The following TCERG1L variants were observed in gnomAD, a reference collection of about 807,000 sequenced individuals.
TCERG1L encodes transcription elongation regulator 1 like.
TCERG1L carries 37 observed loss-of-function variants against 56.3 expected under a neutral mutation model. The observed-to-expected ratio is 0.66, with a 90% CI of 0.51 to 0.87. TCERG1L has a LOEUF of 0.87. TCERG1L is among the 40% of genes least tolerant of loss of function. The pLI is 0.00. For missense variants in TCERG1L, 799 were observed against 774.2 expected, an observed-to-expected ratio of 1.03 and a Z score of -0.38; for synonymous variants, 324 against 326.3, an observed-to-expected ratio of 0.99 and a Z score of 0.08.
intron 9 of TCERG1L, 120 bp from the exon 10 acceptor site, chr10:131,104,474 A>T: frequency 1.5e-6 from 1 of 656,510 alleles, no homozygotes; most frequent in Non-Finnish European, 2.7e-6. Flanking sequence ...AGTACAATAG[A>T]TTCCGTGATG....
At chr10:131,148,541 GAC>G (rs753105433) in intron 6 of TCERG1L, among the ~76,000 whole-genome samples, 40 of 150,578 alleles carry the variant, frequency 2.7e-4, no homozygotes, top group Non-Finnish European at 4.1e-4. Context: ...CATGCACAGA[GAC>G]ACACACATGC....
Position 131,208,832 on chromosome 10 carries a change from C to T in TCERG1L, c.857-41947G>A, listed in dbSNP as rs930849496. Among the ~76,000 whole-genome samples, 7 of 152,036 alleles carry T rather than the reference C, an allele frequency of 4.6e-5. No individual in the cohort carries two copies. In the East Asian group the frequency reaches 5.8e-4, roughly 13 times the overall value. On this transcript the variant is annotated intron_variant, in intron 4 of 11. Coordinates refer to ENST00000368642, the MANE Select transcript of TCERG1L (RefSeq NM_174937.4). Reference sequence around the variant, plus strand: ...CAGCACTTTGGGAGACCGAGGCGGACGGATCACGAGGTCAGGAGATCGAGA... The same window carrying T: ...CAGCACTTTGGGAGACCGAGGCGGATGGATCACGAGGTCAGGAGATCGAGA...
rs540170458 is a variant in TCERG1L at position 131,230,133 on chromosome 10, G to A, written c.856+30126C>T. On this transcript the variant is annotated intron_variant, in intron 4 of 11. Transcript: ENST00000368642. ...TGCAGCCTCCCAGAGTGCCCAGCCC[G>A]GCTCCAGCAGGTGTCAGACCACCAA... 7.9e-5 allele frequency among the ~76,000 whole-genome samples: 12 copies of A among 152,232 alleles called. No homozygotes were observed. The East Asian group carries it at 9.7e-4, about 12-fold the overall frequency.
At chr10:131,147,768 C>T (rs564585462) in intron 6 of TCERG1L, among the ~76,000 whole-genome samples, 46 of 152,366 alleles carry the variant, frequency 3.0e-4, no homozygotes, top group African/African-American at 9.9e-4. Context: ...GGGAGGCCCC[C>T]GACCTGTTGG....
In TCERG1L at chr10:131,137,409, G is replaced by A. The variant is rs140088797; in HGVS notation, c.1190-2961C>T. ...TCTGGCCGTCTCATTCGGAGGCACC[G>A]GGGCCTCACAGAGGCTCTCTCAACT... On this transcript the variant is annotated intron_variant, in intron 7 of 11. Transcript: ENST00000368642. Among the ~76,000 whole-genome samples, 13 of 152,324 alleles carry A rather than the reference G, an allele frequency of 8.5e-5. No individual in the cohort carries two copies. The East Asian group carries it at 2.1e-3, about 25-fold the overall frequency.
At chr10:131,307,147 GATC>G (rs1267895935) in intron 3 of TCERG1L, among the ~76,000 whole-genome samples, 1 of 152,144 alleles carries the variant, frequency 6.6e-6, no homozygotes, top group Non-Finnish European at 1.5e-5. Flanking sequence ...TAGGAAACAT[GATC>G]ATCTTAGTGT....
intron 3 of TCERG1L, among the ~76,000 whole-genome samples, chr10:131,288,573 C>T (rs565720410): frequency 2.0e-4 from 30 of 152,322 alleles, no homozygotes; most frequent in African/African-American, 6.7e-4. Context: ...AATGGAAGTC[C>T]CGTCCAGACA....
In TCERG1L at chr10:131,260,235, G is replaced by T. The variant is rs759085274; in HGVS notation, c.856+24C>A. 6 of 1,345,414 alleles carry T rather than the reference G, an allele frequency of 4.5e-6. No homozygotes were observed. In the South Asian group the frequency reaches 1.2e-4, roughly 28 times the overall value. The allele number at this position is 1,345,414 out of a possible 1,614,324, so 83.3% of individuals were successfully genotyped here. A position where few individuals can be genotyped will look rare whatever the true frequency, so the allele number is the denominator to read the frequency against. On this transcript the variant is annotated intron_variant, in intron 4 of 11. Transcript: ENST00000368642. The surrounding 1 kb of genome is among the most constrained non-coding windows in gnomAD (Gnocchi z 5.8). ...CGCGCTCGCTAAGGCAGCACCAGGC[G>T]TCGGGACGGCGCTCCGAGCCTACCT...
chr10:131,264,424 GA>G (rs1846265546), intron 3 of TCERG1L, among the ~76,000 whole-genome samples: 1 of 152,236 alleles, frequency 6.6e-6, no homozygotes, highest in Admixed American at 6.5e-5. Context: ...AACAGATACA[GA>G]GAAGCCATAC....
At chr10:131,280,066 C>G (rs552462462) in intron 3 of TCERG1L, among the ~76,000 whole-genome samples, 9 of 152,222 alleles carry the variant, frequency 5.9e-5, no homozygotes, top group Non-Finnish European at 1.3e-4. Flanking sequence ...GGCTGCGACA[C>G]AGCCTCAGGA....
At chr10:131,142,164 G>A (rs377200115) in intron 7 of TCERG1L, among the ~76,000 whole-genome samples, 68 of 152,378 alleles carry the variant, frequency 4.5e-4, no homozygotes, top group African/African-American at 1.5e-3. Context: ...GGCCAGCAGA[G>A]GGTGCCATGA....
In TCERG1L at chr10:131,225,270, A is replaced by C. The variant is rs185009713; in HGVS notation, c.856+34989T>G. Among the ~76,000 whole-genome samples the C allele has an allele frequency of 5.9e-5, 9 of 152,306 alleles. 1 individual carries two copies. The highest frequency in any genetic ancestry group is 2.2e-4 in the African/African-American group (9 of 41,572). ...TGGGCCCTACAAACCAGACATCAAC[A>C]TCCAATTGCTAAGTCCAGAGAAGAG... On this transcript the variant is annotated intron_variant, in intron 4 of 11. Transcript: ENST00000368642.
intron 4 of TCERG1L, among the ~76,000 whole-genome samples, chr10:131,202,617 G>A (rs1845453932): frequency 1.3e-5 from 2 of 152,054 alleles, no homozygotes; most frequent in South Asian, 4.2e-4. Flanking sequence ...ATTTTTTCAA[G>A]TTCACTACAT....
At chr10:131,172,989 C>T (rs1846109641) in intron 4 of TCERG1L, among the ~76,000 whole-genome samples, 1 of 148,924 alleles carries the variant, frequency 6.7e-6, no homozygotes, top group Admixed American at 6.8e-5. Flanking sequence ...CTCCTGGGTT[C>T]AATTGATTAT....
chr10:131,128,922 C>T (rs1044866371), intron 8 of TCERG1L, among the ~76,000 whole-genome samples: 10 of 152,218 alleles, frequency 6.6e-5, no homozygotes, highest in African/African-American at 1.7e-4. Flanking sequence ...TCGGCTCTGA[C>T]GGCAGATTTA....
intron 6 of TCERG1L, among the ~76,000 whole-genome samples, chr10:131,147,848 G>A (rs1564801357): frequency 6.6e-6 from 1 of 152,246 alleles, no homozygotes; most frequent in African/African-American, 2.4e-5. Context: ...CCTCGCACAG[G>A]TTCGGGAGGA....
At chr10:131,157,429 TTTA>T (rs1167547043) in intron 6 of TCERG1L, among the ~76,000 whole-genome samples, 1 of 152,236 alleles carries the variant, frequency 6.6e-6, no homozygotes, top group Non-Finnish European at 1.5e-5. Flanking sequence ...GTTTTTGACA[TTTA>T]TTGTCATTTA....
rs185581658 is a variant in TCERG1L, at chr10:131,110,726, A to C, written c.1395+6073T>G. On this transcript the variant is annotated intron_variant, in intron 9 of 11. Transcript: ENST00000368642. ...TAACTTCAGTCCCGGCTTCACCAAA[A>C]GCCTCTCTGGAGACTGAGAAACTCA... is the stretch of plus-strand genomic sequence containing the variant. 2.3e-3 allele frequency among the ~76,000 whole-genome samples: 346 copies of C among 152,336 alleles called. 3 individuals carry two copies. Among genetic ancestry groups the C allele is most frequent in the African/African-American group, 7.7e-3 (319 of 41,576 alleles).
intron 3 of TCERG1L, among the ~76,000 whole-genome samples, chr10:131,298,482 C>T (rs976684869): frequency 1.1e-4 from 17 of 152,056 alleles, no homozygotes; most frequent in African/African-American, 3.6e-4. Context: ...GGCATGATCT[C>T]GGCTAAGTGC....
Sources: gnomAD v4.1 joint callset for allele counts (sites outside exome capture counted in the v4.1 genomes callset) on GRCh38, gnomAD v4.1.1 for gene constraint, Gnocchi (gnomAD v3.1) non-coding constraint, MANE v1.5 for transcripts, NCBI Gene and HGNC (gene_info 2026-07-23, HGNC 2026-07-21) for gene names.